The following KRCC1 variants were observed in gnomAD, a reference collection of about 807,000 sequenced individuals.
KRCC1 encodes lysine-rich coiled-coil protein 1.
In KRCC1, 3 loss-of-function variants were observed where a neutral mutation model predicts 7.4. The observed-to-expected ratio is 0.40, with a 90% CI of 0.18 to 1.04. The LOEUF is 1.04. KRCC1 is among the 50% of genes least tolerant of loss of function. The pLI, the probability that KRCC1 is intolerant of heterozygous loss-of-function variation, is 0.33. For missense variants in KRCC1, 277 were observed against 300.9 expected (o/e 0.92, Z 0.59); for synonymous variants, 102 against 101.6 (o/e 1.00, Z -0.02).
chr2:88,046,675 T>C (rs559501920), intron 1 of KRCC1, among the ~76,000 whole-genome samples: 1 of 152,332 alleles, frequency 6.6e-6, no homozygotes, highest in African/African-American at 2.4e-5. Flanking sequence ...ACCAACTTTC[T>C]GTTTGGTTTT....
intron 1 of KRCC1, among the ~76,000 whole-genome samples, chr2:88,043,512 T>A (rs113401040): frequency 4.5e-4 from 69 of 152,342 alleles, no homozygotes; most frequent in Middle Eastern, 6.8e-3. Context: ...TAAAAGAAAC[T>A]AGGCATGGCA....
intron 1 of KRCC1, 44 bp downstream of exon 1, chr2:88,055,582 G>C (rs1673604075): frequency 6.6e-6 from 1 of 152,224 alleles, no homozygotes; most frequent in Non-Finnish European, 1.5e-5. Flanking sequence ...AGGAGTTGAG[G>C]GGCTGAAGAC....
chr2:88,047,048 T>C (rs942747326), intron 1 of KRCC1, among the ~76,000 whole-genome samples: 1 of 152,184 alleles, frequency 6.6e-6, no homozygotes, highest in African/African-American at 2.4e-5. Flanking sequence ...TCAACTACTG[T>C]ATTAAATATG....
chr2:88,041,869 ATTAG>A (rs1331823810), intron 1 of KRCC1, among the ~76,000 whole-genome samples: 2 of 152,156 alleles, frequency 1.3e-5, no homozygotes, highest in Middle Eastern at 6.8e-3. Flanking sequence ...TTATTTTAGC[ATTAG>A]TTATTTTTTA....
At position 88,028,221 on chromosome 2, in the gene KRCC1, G is replaced by T; in HGVS notation, c.343C>A (p.Pro115Thr). ...QFTRDCFSEKPVPLNFNQQEY... is the reference protein window; with the variant it reads ...QFTRDCFSEKTVPLNFNQQEY... ...TGTTGATTAAAGTTCAGGGGTACTGGTTTTTCTGAGAAACAGTCCCTCGTG... is the reference window on the plus strand; with the variant it reads ...TGTTGATTAAAGTTCAGGGGTACTGTTTTTTCTGAGAAACAGTCCCTCGTG... The change falls in exon 4 of 4, where the codon CCA becomes ACA. Residue 115 changes from proline (P) to threonine (T), a missense_variant. Pro to Thr is a conservative substitution (Grantham distance 38, BLOSUM62 -1). Coordinates refer to ENST00000347055, the MANE Select transcript of KRCC1 (RefSeq NM_016618.3). 6.2e-7 allele frequency: 1 copy of T among 1,614,174 alleles called. No individual in the cohort carries two copies. The highest frequency in any genetic ancestry group is 8.5e-7 in the Non-Finnish European group (1 of 1,180,028).
chr2:88,051,129 T>C (rs1169831205), intron 1 of KRCC1, among the ~76,000 whole-genome samples: 1 of 152,066 alleles, frequency 6.6e-6, no homozygotes, highest in Non-Finnish European at 1.5e-5. Context: ...TCTCACTATT[T>C]TGCCCAAGCT....
chr2:88,045,421 CA>C (rs1402422613), intron 1 of KRCC1, among the ~76,000 whole-genome samples: 3 of 152,140 alleles, frequency 2.0e-5, no homozygotes, highest in African/African-American at 7.2e-5. Flanking sequence ...ACACATGCAA[CA>C]CGGATGAATC....
rs1330064947 is a variant in KRCC1 at position 88,028,005 on chromosome 2, T to C, written c.559A>G (p.Ile187Val). 2.5e-6 allele frequency: 4 copies of C among 1,614,108 alleles called. No homozygotes were observed. In the South Asian group the frequency reaches 4.4e-5, roughly 18 times the overall value. ...ATGCTCTTGTGTTTGTCTAAGTCAA[T>C]TTCCTCGCAGCTTTTTTTTCTCTTA... The part of the protein sequence containing the change: ...KHKRKKSCEE[I>V]DLDKHKSIQR... Residue 187 changes from isoleucine (I) to valine (V), a missense_variant, in exon 4 of 4, where the codon ATT becomes GTT. Physicochemically the swap from Ile to Val is conservative, Grantham distance 29 (BLOSUM62 3). Coordinates refer to ENST00000347055, the MANE Select transcript of KRCC1 (RefSeq NM_016618.3).
intron 3 of KRCC1, among the ~76,000 whole-genome samples, chr2:88,032,588 C>T (rs1457385214): frequency 2.6e-5 from 4 of 152,086 alleles, no homozygotes; most frequent in Non-Finnish European, 5.9e-5. Flanking sequence ...GACTGGGTGT[C>T]TATACAAAGA....
rs1443378244 is a variant in KRCC1, at chr2:88,028,024, T to TC, written c.539dup (p.Ser183LysfsTer6). ...AGTCAATTTCCTCGCAGCTTTTTTT[T>TC]CTCTTATGCTTAGACCGCTCCTCCT... is the stretch of plus-strand genomic sequence containing the variant. On this transcript the variant is annotated frameshift_variant, in exon 4 of 4. Coordinates refer to ENST00000347055, the MANE Select transcript of KRCC1 (RefSeq NM_016618.3). LOFTEE classifies it high-confidence loss of function. The TC allele has an allele frequency of 1.4e-5, 23 of 1,613,972 alleles. No individual in the cohort carries two copies. The highest frequency in any genetic ancestry group is 1.8e-5 in the Non-Finnish European group (21 of 1,180,026).
chr2:88,055,281 C>T (rs916512747), intron 1 of KRCC1, among the ~76,000 whole-genome samples: 13 of 152,140 alleles, frequency 8.5e-5, no homozygotes, highest in Admixed American at 8.5e-4. Context: ...TCCCTGTCCC[C>T]TCAATTTTCG....
chr2:88,037,510 G>A (rs1409473203), intron 1 of KRCC1, among the ~76,000 whole-genome samples: 4 of 152,184 alleles, frequency 2.6e-5, no homozygotes, highest in East Asian at 1.9e-4. Flanking sequence ...AGGCCAGAGC[G>A]TGATTCTCCT....
At chr2:88,051,206 G>T (rs146797996) in intron 1 of KRCC1, among the ~76,000 whole-genome samples, 1 of 151,994 alleles carries the variant, frequency 6.6e-6, no homozygotes, top group Non-Finnish European at 1.5e-5. Context: ...GATCACAGGC[G>T]TAAACCACCA....
chr2:88,041,239 C>T (rs900647845), intron 1 of KRCC1, among the ~76,000 whole-genome samples: 8 of 152,072 alleles, frequency 5.3e-5, no homozygotes, highest in Non-Finnish European at 1.2e-4. Context: ...AGCAGATAGA[C>T]GGGAGAGTGG....
intron 1 of KRCC1, among the ~76,000 whole-genome samples, chr2:88,055,091 T>TC (rs1338933579): frequency 2.0e-5 from 3 of 149,544 alleles, no homozygotes; most frequent in Admixed American, 1.3e-4. Context: ...TCCAAAGTGA[T>TC]CCCCCCCTAA....
intron 1 of KRCC1, among the ~76,000 whole-genome samples, chr2:88,044,676 G>A (rs1181154028): frequency 6.6e-6 from 1 of 152,042 alleles, no homozygotes; most frequent in Non-Finnish European, 1.5e-5. Flanking sequence ...AAACTGAAAA[G>A]AGCCATGCTG....
Position 88,028,060 on chromosome 2 carries a change from T to C in KRCC1, c.504A>G (p.Arg168=). 1 of 1,614,220 alleles carries C rather than the reference T, an allele frequency of 6.2e-7. No homozygotes were observed. Among genetic ancestry groups the C allele is most frequent in the African/African-American group, 1.3e-5 (1 of 75,058 alleles). ...TAGACCGCTCCTCCTCTGATTTTTC[T>C]CTGCCTTCCTCTGGGTGCCTTTTCC... ...QKRKRHPEEG[R]EKSEEERSKH... Residue 168 remains arginine, a synonymous_variant, in exon 4 of 4, where the codon AGA becomes AGG. Transcript: ENST00000347055.
chr2:88,045,365 TA>T (rs1218705944), intron 1 of KRCC1, among the ~76,000 whole-genome samples: 7 of 152,146 alleles, frequency 4.6e-5, no homozygotes, highest in Admixed American at 4.6e-4. Context: ...CAAAATGTGA[TA>T]TATACCCATA....
At chr2:88,039,888 G>C (rs1003111319) in intron 1 of KRCC1, among the ~76,000 whole-genome samples, 1 of 151,822 alleles carries the variant, frequency 6.6e-6, no homozygotes, top group African/African-American at 2.4e-5. Flanking sequence ...ATCTTGGTTT[G>C]GCGTAGTGCT....
Sources: gnomAD v4.1 joint callset for allele counts (sites outside exome capture counted in the v4.1 genomes callset) on GRCh38, gnomAD v4.1.1 for gene constraint, MANE v1.5 for transcripts, NCBI Gene and HGNC (gene_info 2026-07-23, HGNC 2026-07-21) for gene names.